VDR: variants seen among roughly 807,000 people sequenced by gnomAD.
VDR encodes the protein vitamin D receptor.
In VDR, 19 loss-of-function variants were observed where a neutral mutation model predicts 39.7. That is an observed-to-expected ratio of 0.48 (90% CI 0.33 to 0.70). The LOEUF (loss-of-function observed/expected upper bound fraction) is 0.70, where lower values mean the gene tolerates loss of function less well. VDR is among the 30% of genes least tolerant of loss of function. The pLI, the probability that VDR is intolerant of heterozygous loss-of-function variation, is 0.02. For synonymous variants in VDR, 242 were observed against 215.8 expected (o/e 1.12, Z -1.07); for missense variants, 442 against 570.5 (o/e 0.77, Z 2.29).
At chr12:47,902,593 A>G (rs1459564409) in intron 1 of VDR, among the ~76,000 whole-genome samples, 8 of 152,174 alleles carry the variant, frequency 5.3e-5, no homozygotes, top group Non-Finnish European at 7.4e-5. Flanking sequence ...AGCAGGGACA[A>G]ATGGAAGCTG....
At chr12:47,866,115 CT>C (rs150398556) in intron 3 of VDR, among the ~76,000 whole-genome samples, 35 of 147,358 alleles carry the variant, frequency 2.4e-4, no homozygotes, top group African/African-American at 8.3e-4. Flanking sequence ...AGAAAAAACC[CT>C]TTTTTTTTTG....
At chr12:47,892,037 T>C (rs1946380418) in intron 1 of VDR, among the ~76,000 whole-genome samples, 1 of 152,184 alleles carries the variant, frequency 6.6e-6, no homozygotes, top group Non-Finnish European at 1.5e-5. Flanking sequence ...CCATGCCCCT[T>C]CACCTAGACA....
At chr12:47,869,447 A>G (rs1368332016) in intron 3 of VDR, among the ~76,000 whole-genome samples, 1 of 148,138 alleles carries the variant, frequency 6.8e-6, no homozygotes, top group East Asian at 2.0e-4. Flanking sequence ...GAGGCAGGAG[A>G]ATGGCGTGAA....
Position 47,844,141 on chromosome 12 carries a change from T to C in VDR, c.*605A>G, listed in dbSNP as rs372424128. 7 of 161,316 alleles carry C rather than the reference T, an allele frequency of 4.3e-5. No individual in the cohort carries two copies. The highest frequency in any genetic ancestry group is 3.4e-4 in the East Asian group (2 of 5,814). The allele number at this position is 161,316 out of a possible 1,614,324, so 10.0% of individuals were successfully genotyped here. On this transcript the variant is annotated 3_prime_UTR_variant, in exon 10 of 10. Transcript: ENST00000549336. ...GGCTGTTTTTGTCTGTTTTTCCTCC[T>C]TGGGTCTCTCAGCAGGTGGGTTCGT...
At chr12:47,884,543 T>C (rs1592142226) in intron 1 of VDR, among the ~76,000 whole-genome samples, 1 of 152,204 alleles carries the variant, frequency 6.6e-6, no homozygotes, top group Non-Finnish European at 1.5e-5. Flanking sequence ...ATGGTTTTCC[T>C]GTGTCCTCAC....
intron 1 of VDR, among the ~76,000 whole-genome samples, chr12:47,895,216 C>T (rs899956166): frequency 2.0e-5 from 3 of 152,126 alleles, no homozygotes; most frequent in Admixed American, 2.0e-4. Context: ...TGAAAAAACA[C>T]CTTGAACGAT....
At position 47,844,757 on chromosome 12, in the gene VDR, C is replaced by T; in HGVS notation, c.1273G>A (p.Glu425Lys). 1 of 1,614,090 alleles carries T rather than the reference C, an allele frequency of 6.2e-7. No individual in the cohort carries two copies. Among genetic ancestry groups the T allele is most frequent in the Non-Finnish European group, 8.5e-7 (1 of 1,180,004 alleles). The change falls in exon 10 of 10, where the codon GAG becomes AAG. Residue 425 changes from glutamate to lysine, a missense_variant. This residue lies in a region of VDR where 173 missense variants were observed against 252.0 expected (regional missense o/e 0.69). Transcript: ENST00000549336. ...ACAGGCTGTCCTAGTCAGGAGATCT[C>T]ATTGCCAAACACTTCGAGCACAAGG... ...TPLVLEVFGN[E>K]IS
rs1345928222 is a variant in VDR at position 47,842,060 on chromosome 12, G to A, written c.*2686C>T. ...GAGTGGCCTAGGTGGTGGGGCCCAGGGCTGAGTAACTGATATTTCCAGGAG... is the reference window on the plus strand; with the variant it reads ...GAGTGGCCTAGGTGGTGGGGCCCAGAGCTGAGTAACTGATATTTCCAGGAG... On this transcript the variant is annotated 3_prime_UTR_variant, in exon 10 of 10. Transcript: ENST00000549336. 9 of 152,376 alleles carry A rather than the reference G, an allele frequency of 5.9e-5. No homozygotes were observed. The highest frequency in any genetic ancestry group is 1.2e-4 in the African/African-American group (5 of 41,446). The allele number at this position is 152,376 out of a possible 1,614,324, so 9.4% of individuals were successfully genotyped here. A position where few individuals can be genotyped will look rare whatever the true frequency, so the allele number is the denominator to read the frequency against.
chr12:47,872,754 T>C (rs1417621689), intron 3 of VDR, among the ~76,000 whole-genome samples: 1 of 152,192 alleles, frequency 6.6e-6, no homozygotes, highest in Non-Finnish European at 1.5e-5. Flanking sequence ...CACATAGTTA[T>C]ACTTTCCAAG....
chr12:47,864,492 G>A lies in VDR; in HGVS notation c.277+555C>T, dbSNP rs1294781020. Among the ~76,000 whole-genome samples, 55 of 152,310 alleles carry A rather than the reference G, an allele frequency of 3.6e-4. 1 individual carries two copies. The highest frequency in any genetic ancestry group is 2.9e-5 in the Non-Finnish European group (2 of 68,018). On this transcript the variant is annotated intron_variant, in intron 4 of 9. Coordinates refer to ENST00000549336, the MANE Select transcript of VDR (RefSeq NM_000376.3). ...TCCTCCTGGTCTCTCCCTGGCACAA[G>A]CCCTCAGATCTGCTCAAGGCGCCAG...
chr12:47,893,425 G>A (rs5013378), intron 1 of VDR, among the ~76,000 whole-genome samples: 50,396 of 151,594 alleles, frequency 0.33, 9,596 homozygotes, highest in African/African-American at 0.53. Context: ...AGAAGGGAGA[G>A]GTAAAGGAGA....
At position 47,844,524 on chromosome 12, in the gene VDR, C is replaced by G. The variant is rs11574117; in HGVS notation, c.*222G>C. On this transcript the variant is annotated 3_prime_UTR_variant, in exon 10 of 10. Transcript: ENST00000549336. ...TTGGGTTTCTTTGTCAAACAAACAG[C>G]AACTCCTCATGGCTGAGGTCTCAAG... is the stretch of plus-strand genomic sequence containing the variant. 2.3e-3 allele frequency: 1,460 copies of G among 645,288 alleles called. 22 individuals carry two copies. The African/African-American group carries it at 0.024, about 11-fold the overall frequency. The allele number at this position is 645,288 out of a possible 1,614,324, so 40.0% of individuals were successfully genotyped here. A position where few individuals can be genotyped will look rare whatever the true frequency, so the allele number is the denominator to read the frequency against.
chr12:47,873,082 G>C (rs1022800606), intron 3 of VDR, among the ~76,000 whole-genome samples: 1 of 152,160 alleles, frequency 6.6e-6, no homozygotes, highest in Non-Finnish European at 1.5e-5. Context: ...ATCCCATCTC[G>C]AATTGTAATC....
chr12:47,880,216 G>A (rs943178063), intron 2 of VDR, among the ~76,000 whole-genome samples: 3 of 152,124 alleles, frequency 2.0e-5, no homozygotes, highest in African/African-American at 7.2e-5. Flanking sequence ...AAGAGAGAAA[G>A]CCAGGAAACA....
At chr12:47,876,189 A>G (rs1026545063) in intron 3 of VDR, among the ~76,000 whole-genome samples, 9 of 151,840 alleles carry the variant, frequency 5.9e-5, no homozygotes, top group African/African-American at 1.9e-4. Context: ...CAGATTTGCA[A>G]ATACAGAATC....
At chr12:47,890,926 C>T (rs1946358229) in intron 1 of VDR, among the ~76,000 whole-genome samples, 1 of 152,164 alleles carries the variant, frequency 6.6e-6, no homozygotes, top group African/African-American at 2.4e-5. Flanking sequence ...CTCCTGGGGA[C>T]AGTGGCCTGC....
At chr12:47,894,332 CTT>C (rs1447104131) in intron 1 of VDR, among the ~76,000 whole-genome samples, 7 of 152,240 alleles carry the variant, frequency 4.6e-5, no homozygotes, top group Non-Finnish European at 1.5e-5. Context: ...ACTCAATACT[CTT>C]TCTGGCAGAG....
intron 3 of VDR, among the ~76,000 whole-genome samples, chr12:47,869,535 C>CAAAAAAAAA (rs33940574): frequency 1.4e-5 from 1 of 68,970 alleles, no homozygotes; most frequent in Non-Finnish European, 2.5e-5. Context: ...GACTCCATCT[C>CAAAAAAAAA]AAAAAAAAAA....
intron 1 of VDR, among the ~76,000 whole-genome samples, chr12:47,897,240 C>T (rs1452952341): frequency 6.6e-6 from 1 of 152,182 alleles, no homozygotes; most frequent in East Asian, 1.9e-4. Flanking sequence ...GCATGAAAAG[C>T]ACTGAACATA....
Sources: allele counts gnomAD v4.1 joint callset (sites outside exome capture counted in the v4.1 genomes callset), GRCh38; gene constraint gnomAD v4.1.1; regional missense constraint gnomAD v4.1.1; transcripts MANE v1.5; gene names NCBI Gene and HGNC (gene_info 2026-07-23, HGNC 2026-07-21).